The following USP32 variants were observed in gnomAD, a reference collection of about 807,000 sequenced individuals.
The protein encoded by USP32 is ubiquitin carboxyl-terminal hydrolase 32.
USP32 carries 59 observed loss-of-function variants against 204.8 expected under a neutral mutation model. The ratio of observed to expected loss-of-function variants is 0.29; its 90% confidence interval spans 0.23 to 0.36. USP32 has a LOEUF of 0.36. Among genes scored for constraint, USP32 ranks in the 10% least tolerant of loss-of-function variants. The pLI, the probability that USP32 is intolerant of heterozygous loss-of-function variation, is 1.00. For synonymous variants in USP32, 517 were observed against 678.4 expected (o/e 0.76, Z 3.70); for missense variants, 1,160 against 1,946.4 (o/e 0.60, Z 7.60).
Position 60,226,207 on chromosome 17 carries a change from G to T in USP32, c.1264C>A (p.Pro422Thr). The change falls in exon 13 of 34, where the codon CCA (proline) becomes ACA (threonine). Residue 422 changes from proline to threonine, a missense_variant. Coordinates refer to ENST00000300896, the MANE Select transcript of USP32 (RefSeq NM_032582.4). Reference protein sequence around the residue: ...KYDANPVVIEPSSVLNGGKYS... With the variant: ...KYDANPVVIETSSVLNGGKYS... Reference sequence around the variant, plus strand: ...TTTCCTCCATTCAAAACAGATGATGGCTCAATTACCACAGGGTTGGCATCC... The same window carrying T: ...TTTCCTCCATTCAAAACAGATGATGTCTCAATTACCACAGGGTTGGCATCC... The T allele has an allele frequency of 6.4e-7, 1 of 1,556,358 alleles. No individual in the cohort carries two copies. The highest frequency in any genetic ancestry group is 8.6e-7 in the Non-Finnish European group (1 of 1,158,982).
At chr17:60,380,454 G>A (rs905379008) in intron 1 of USP32, among the ~76,000 whole-genome samples, 1 of 152,140 alleles carries the variant, frequency 6.6e-6, no homozygotes, top group Non-Finnish European at 1.5e-5. Context: ...TGTAGTCCCA[G>A]CTGCTAGGGA....
chr17:60,297,613 G>C (rs890495400), intron 3 of USP32, among the ~76,000 whole-genome samples: 3 of 151,734 alleles, frequency 2.0e-5, no homozygotes, highest in African/African-American at 7.3e-5. Context: ...GCTAATTTTT[G>C]TATTTTTAGT....
At chr17:60,312,465 G>T (rs2087876633) in intron 2 of USP32, among the ~76,000 whole-genome samples, 1 of 151,732 alleles carries the variant, frequency 6.6e-6, no homozygotes, top group South Asian at 2.1e-4. Context: ...TCATTCTATT[G>T]CCCAGGCTGT....
intron 2 of USP32, among the ~76,000 whole-genome samples, chr17:60,316,658 T>C (rs1258877963): frequency 1.3e-5 from 2 of 151,814 alleles, no homozygotes; most frequent in East Asian, 1.9e-4. Flanking sequence ...CTGGCCAACA[T>C]GGTGAAATCC....
intron 12 of USP32, among the ~76,000 whole-genome samples, chr17:60,235,188 T>G (rs1039340355): frequency 6.6e-6 from 1 of 152,192 alleles, no homozygotes; most frequent in Non-Finnish European, 1.5e-5. Flanking sequence ...CATTAAAACA[T>G]TAACAACCAC....
chr17:60,332,712 G>A (rs1329061467), intron 2 of USP32, among the ~76,000 whole-genome samples: 1 of 152,006 alleles, frequency 6.6e-6, no homozygotes, highest in East Asian at 1.9e-4. Flanking sequence ...CACCAATATC[G>A]GCACCCAGTC....
chr17:60,262,083 G>A (rs935171553), intron 9 of USP32, among the ~76,000 whole-genome samples: 9 of 152,158 alleles, frequency 5.9e-5, no homozygotes, highest in African/African-American at 2.2e-4. Flanking sequence ...TTTAATGGAT[G>A]TTTTACTGAC....
chr17:60,360,674 C>CA (rs981764725), intron 1 of USP32, among the ~76,000 whole-genome samples: 1 of 151,078 alleles, frequency 6.6e-6, no homozygotes, highest in Non-Finnish European at 1.5e-5. Flanking sequence ...GACTCCATCG[C>CA]AAAAAAACAA....
In USP32 at chr17:60,301,666, C is replaced by G. The variant is rs199681661; in HGVS notation, c.225G>C (p.Leu75=). The stretch of plus-strand genomic sequence containing the variant: ...GTCCAACTATTAAATTATTGAAGTG[C>G]AGCCCTTTGGATGTTCCACCAAAAG... ...YCSFGGTSKG[L]HFNNLIVGLV... Residue 75 remains leucine, a synonymous_variant, in exon 3 of 34, where the codon CTG becomes CTC. Transcript: ENST00000300896. 2 of 1,601,536 alleles carry G rather than the reference C, an allele frequency of 1.2e-6. No homozygotes were observed. The highest frequency in any genetic ancestry group is 2.3e-5 in the South Asian group (2 of 87,996).
At chr17:60,279,850 A>T (rs1316005695) in intron 5 of USP32, among the ~76,000 whole-genome samples, 4 of 144,198 alleles carry the variant, frequency 2.8e-5, no homozygotes, top group East Asian at 2.0e-4. Context: ...TAATAATAAT[A>T]ATTAATAATA....
At chr17:60,407,584 T>C (rs1414187113) in intron 1 of USP32, among the ~76,000 whole-genome samples, 10 of 151,976 alleles carry the variant, frequency 6.6e-5, no homozygotes. Flanking sequence ...ACCTATACTC[T>C]TTAAGGGAAG....
chr17:60,388,730 A>C (rs1302384982), intron 1 of USP32, among the ~76,000 whole-genome samples: 2 of 151,722 alleles, frequency 1.3e-5, no homozygotes, highest in African/African-American at 4.9e-5. Flanking sequence ...ACATCTCCCT[A>C]ACAGTGTTTA....
chr17:60,220,749 T>C (rs973860588), intron 15 of USP32, among the ~76,000 whole-genome samples: 1 of 152,112 alleles, frequency 6.6e-6, no homozygotes, highest in African/African-American at 2.4e-5. Context: ...GTTCTTGCCA[T>C]TCTCCCGCCT....
intron 11 of USP32, among the ~76,000 whole-genome samples, chr17:60,244,317 C>G (rs2085958770): frequency 6.6e-6 from 1 of 151,966 alleles, no homozygotes; most frequent in African/African-American, 2.4e-5. Context: ...CGTGCCCAGC[C>G]AAGTAGCTAG....
At chr17:60,221,534 T>G (rs1239191845) in intron 15 of USP32, among the ~76,000 whole-genome samples, 1 of 150,840 alleles carries the variant, frequency 6.6e-6, no homozygotes, top group Non-Finnish European at 1.5e-5. Flanking sequence ...AGACGGAATC[T>G]CGCTCTGTCA....
intron 14 of USP32, 32 bp from the exon 15 acceptor site, chr17:60,222,581 T>C (rs753028418): frequency 2.1e-4 from 333 of 1,601,514 alleles, no homozygotes; most frequent in Non-Finnish European, 2.7e-4. Context: ...ATGTTGACTT[T>C]CAATATTACA....
At chr17:60,313,761 T>G (rs569416981) in intron 2 of USP32, among the ~76,000 whole-genome samples, 1 of 152,194 alleles carries the variant, frequency 6.6e-6, no homozygotes, top group East Asian at 1.9e-4. Context: ...TTACAAAGCT[T>G]TAACACAGGA....
chr17:60,317,468 A>C (rs1251963829), intron 2 of USP32, among the ~76,000 whole-genome samples: 1 of 151,356 alleles, frequency 6.6e-6, no homozygotes, highest in Admixed American at 6.6e-5. Context: ...GTGAACCATG[A>C]TCAAGCCACT....
intron 1 of USP32, among the ~76,000 whole-genome samples, chr17:60,356,110 T>G (rs1321150702): frequency 6.6e-6 from 1 of 152,112 alleles, no homozygotes; most frequent in African/African-American, 2.4e-5. Flanking sequence ...AAAGTTCCAT[T>G]CTCAAGCTTT....
Sources: gnomAD v4.1 joint callset for allele counts (sites outside exome capture counted in the v4.1 genomes callset) on GRCh38, gnomAD v4.1.1 for gene constraint, MANE v1.5 for transcripts, NCBI Gene and HGNC (gene_info 2026-07-23, HGNC 2026-07-21) for gene names.